Variants in DMWD observed in about 807,000 individuals in gnomAD.
The protein encoded by DMWD is dystrophia myotonica WD repeat-containing protein.
Under a neutral mutation model 45.8 loss-of-function variants are expected in DMWD, and 19 were observed. That is an observed-to-expected ratio of 0.41 (90% confidence interval 0.29 to 0.61). DMWD has a LOEUF of 0.61. Ranked by LOEUF, DMWD falls within the 20% of genes least tolerant of loss-of-function variation. The pLI is 0.25. For synonymous variants in DMWD, 515 were observed against 440.5 expected (o/e 1.17, Z -2.12); for missense variants, 802 against 965.2 (o/e 0.83, Z 2.24).
intron 2 of DMWD, among the ~76,000 whole-genome samples, chr19:45,788,101 C>A (rs191536083): frequency 6.6e-6 from 1 of 151,962 alleles, no homozygotes; most frequent in South Asian, 2.1e-4. Flanking sequence ...AGAAAAAATA[C>A]ACCCAGAATC....
At chr19:45,791,215 G>C in intron 1 of DMWD, 128 bp from the exon 2 acceptor site, 1 of 944,900 alleles carries the variant, frequency 1.1e-6, no homozygotes. Flanking sequence ...GAGGTGAGTA[G>C]GTGGATTGCG....
intron 1 of DMWD, 35 bp downstream of exon 1, chr19:45,792,281 T>G: frequency 6.3e-7 from 1 of 1,590,258 alleles, no homozygotes; most frequent in Non-Finnish European, 8.6e-7. Flanking sequence ...CTCCATCCTT[T>G]CAGCACCCAG....
Position 45,786,365 on chromosome 19 carries a change from G to T in DMWD, c.1131C>A (p.Asp377Glu). 6.2e-7 allele frequency: 1 copy of T among 1,612,298 alleles called. No individual in the cohort carries two copies. The highest frequency in any genetic ancestry group is 8.5e-7 in the Non-Finnish European group (1 of 1,179,062). The part of the protein sequence containing the change: ...HKSWVNAVAF[D>E]PYTTRAEEAA... Reference sequence around the variant, plus strand: ...CCTCCTCTGCCCTTGTGGTGTAGGGGTCAAAGGCCACAGCGTTGACCCAGG... The same window carrying T: ...CCTCCTCTGCCCTTGTGGTGTAGGGTTCAAAGGCCACAGCGTTGACCCAGG... The change falls in exon 3 of 5, where the codon GAC becomes GAA. Residue 377 changes from aspartate (D) to glutamate (E), a missense_variant. Coordinates refer to ENST00000270223, the MANE Select transcript of DMWD (RefSeq NM_004943.2).
chr19:45,785,754 G>A lies in DMWD; in HGVS notation c.1742C>T (p.Thr581Ile). ...SRLDPAKVLG[T>I]ALCPRIHEVP... Reference sequence around the variant, plus strand: ...CTCGTGGATGCGCGGGCACAGCGCAGTGCCCAGCACCTTGGCGGGGTCCAG... The same window carrying A: ...CTCGTGGATGCGCGGGCACAGCGCAATGCCCAGCACCTTGGCGGGGTCCAG... Residue 581 changes from threonine to isoleucine, a missense_variant, in exon 3 of 5, where the codon ACT becomes ATT. By Grantham distance (89) the Thr-to-Ile change is moderately conservative. Coordinates refer to ENST00000270223, the MANE Select transcript of DMWD (RefSeq NM_004943.2). 6.2e-7 allele frequency: 1 copy of A among 1,610,782 alleles called. No homozygotes were observed. The highest frequency in any genetic ancestry group is 8.5e-7 in the Non-Finnish European group (1 of 1,178,584).
rs1970371826 is a variant in DMWD, at chr19:45,792,792, G to A, written c.-36C>T. The A allele has an allele frequency of 1.8e-6, 2 of 1,095,886 alleles. No individual in the cohort carries two copies. The highest frequency in any genetic ancestry group is 2.2e-6 in the Non-Finnish European group (2 of 901,830). 67.9% of individuals were successfully genotyped at this position (1,095,886 alleles called of 1,614,324 possible). A position where few individuals can be genotyped will look rare whatever the true frequency, so the allele number is the denominator to read the frequency against. On this transcript the variant is annotated 5_prime_UTR_variant, in exon 1 of 5. Coordinates refer to ENST00000270223, the MANE Select transcript of DMWD (RefSeq NM_004943.2). ...CCCCGGGCCCCGCCACTGCCGGACT[G>A]CCGCCCGCAGCCGGGCCCCCTCCCG...
At chr19:45,787,254 G>A (rs991107686) in intron 2 of DMWD, 1 of 290,340 alleles carries the variant, frequency 3.4e-6, no homozygotes, top group Non-Finnish European at 6.6e-6. Flanking sequence ...GGAGGTGAGT[G>A]GTGGGCGAGC....
intron 3 of DMWD, chr19:45,785,117 T>C: frequency 9.9e-7 from 1 of 1,009,594 alleles, no homozygotes; most frequent in Non-Finnish European, 1.2e-6. Context: ...AACCCAGGCC[T>C]GGGATTCCCA....
At position 45,784,521 on chromosome 19, in the gene DMWD, G is replaced by A. The variant is rs373188148; in HGVS notation, c.1977+120C>T. 97 of 1,508,912 alleles carry A rather than the reference G, an allele frequency of 6.4e-5. No individual in the cohort carries two copies. In the South Asian group the frequency reaches 7.3e-4, roughly 11 times the overall value. The allele number at this position is 1,508,912 out of a possible 1,614,324, so 93.5% of individuals were successfully genotyped here. ...TCACGCAATAATCAAAGTCCTTGGCGGATCCTGAGTGAGACCATGGGGTAA... is the reference window on the plus strand; with the variant it reads ...TCACGCAATAATCAAAGTCCTTGGCAGATCCTGAGTGAGACCATGGGGTAA... On this transcript the variant is annotated intron_variant, in intron 4 of 4. Coordinates refer to ENST00000270223, the MANE Select transcript of DMWD (RefSeq NM_004943.2).
At chr19:45,789,377 G>A (rs537304320) in intron 2 of DMWD, 16 of 152,366 alleles carry the variant, frequency 1.1e-4, no homozygotes, top group African/African-American at 3.6e-4. Flanking sequence ...GAATGAGACA[G>A]AAGCCAAGAG....
At position 45,783,769 on chromosome 19, in the gene DMWD, C is replaced by A. The variant is rs1970219706; in HGVS notation, c.*474G>T. The A allele has an allele frequency of 2.2e-6, 1 of 456,838 alleles. No homozygotes were observed. Among genetic ancestry groups the A allele is most frequent in the South Asian group, 5.2e-5 (1 of 19,348 alleles). 28.3% of individuals were successfully genotyped at this position (456,838 alleles called of 1,614,324 possible). On this transcript the variant is annotated 3_prime_UTR_variant, in exon 5 of 5. Transcript: ENST00000270223. ...ACTTTAGTATAAATAAGAGGTCCTG[C>A]GGGACAGGGAGGAACCTGAGGGGCT...
chr19:45,787,775 C>T (rs1046937413), intron 2 of DMWD, among the ~76,000 whole-genome samples: 1 of 152,230 alleles, frequency 6.6e-6, no homozygotes, highest in African/African-American at 2.4e-5. Flanking sequence ...CTTCAAAATA[C>T]ACCCAGAAGT....
At chr19:45,784,349 T>C (rs184581805) in intron 4 of DMWD, 59 bp from the exon 5 acceptor site, 247 of 1,475,226 alleles carry the variant, frequency 1.7e-4, no homozygotes, top group Middle Eastern at 7.6e-4. Flanking sequence ...CTTCAGCCAG[T>C]GTCAAGGGGA....
rs372279854 is a variant in DMWD at position 45,786,725 on chromosome 19, C to T, written c.771G>A (p.Leu257=). 4 of 1,613,372 alleles carry T rather than the reference C, an allele frequency of 2.5e-6. No individual in the cohort carries two copies. Among genetic ancestry groups the T allele is most frequent in the Non-Finnish European group, 3.4e-6 (4 of 1,179,406 alleles). ...AGACAGAGAAGCCCTCGCCCTGCTT[C>T]AGCAGGCTGTACTGGGGCGGGGCCG... The part of the protein sequence containing the change: ...CASAPPQYSL[L]KQGEGFSVYA... Residue 257 remains leucine, a synonymous_variant, in exon 3 of 5, where the codon CTG becomes CTA. Transcript: ENST00000270223.
chr19:45,784,748 A>T, intron 3 of DMWD, 33 bp from the exon 4 acceptor site: 2 of 1,607,186 alleles, frequency 1.2e-6, no homozygotes, highest in East Asian at 4.5e-5. Flanking sequence ...TTTAGGACTC[A>T]ACCAGACTCC....
chr19:45,784,490 G>T, intron 4 of DMWD, 151 bp downstream of exon 4: 1 of 1,329,714 alleles, frequency 7.5e-7, no homozygotes, highest in Non-Finnish European at 1.0e-6. Context: ...CTGGCAGTCA[G>T]CACTTTCACG....
At chr19:45,792,845 T>TG, upstream of DMWD, 1 of 1,045,220 alleles carries the variant, frequency 9.6e-7, no homozygotes, top group South Asian at 4.5e-5. Flanking sequence ...CCGGAAAAGG[T>TG]GGGGTCGTCG....
intron 2 of DMWD, among the ~76,000 whole-genome samples, chr19:45,788,746 CAA>C (rs540489615): frequency 2.0e-5 from 3 of 149,238 alleles, no homozygotes; most frequent in South Asian, 4.3e-4. Flanking sequence ...TTGGGCAACA[CAA>C]AGAGACCCCG....
At chr19:45,791,244 G>C (rs915783067) in intron 1 of DMWD, among the ~76,000 whole-genome samples, 157 bp from the exon 2 acceptor site, 3 of 152,094 alleles carry the variant, frequency 2.0e-5, no homozygotes, top group African/African-American at 7.2e-5. Flanking sequence ...GGCAACCACA[G>C]ACGGGAAGGG....
Position 45,785,601 on chromosome 19 carries a change from C to T in DMWD, c.1895G>A (p.Gly632Asp), listed in dbSNP as rs1379581201. The T allele has an allele frequency of 2.7e-6, 4 of 1,493,250 alleles. No individual in the cohort carries two copies. Among genetic ancestry groups the T allele is most frequent in the Non-Finnish European group, 3.6e-6 (4 of 1,118,988 alleles). 92.5% of individuals were successfully genotyped at this position (1,493,250 alleles called of 1,614,324 possible). ...EGLICTWARP[G>D]KAFTDEETEA... ...TGGTGTGGGGCCACTCACCGCCTTG[C>T]CCGGCCGGGCCCAGGTGCAGATGAG... Residue 632 changes from glycine to aspartate, a missense_variant, in exon 3 of 5, where the codon GGC becomes GAC. Physicochemically the swap from Gly to Asp is moderately conservative, Grantham distance 94. This residue lies in a region of DMWD where 303 missense variants were observed against 332.9 expected (regional missense o/e 0.91). Coordinates refer to ENST00000270223, the MANE Select transcript of DMWD (RefSeq NM_004943.2).
Sources: allele counts gnomAD v4.1 joint callset (sites outside exome capture counted in the v4.1 genomes callset), GRCh38; gene constraint gnomAD v4.1.1; regional missense constraint gnomAD v4.1.1; transcripts MANE v1.5; gene names NCBI Gene and HGNC (gene_info 2026-07-23, HGNC 2026-07-21).